The following STOX2 variants were observed in gnomAD, a reference collection of about 807,000 sequenced individuals.
STOX2 encodes storkhead box 2.
STOX2 carries 28 observed loss-of-function variants against 60.9 expected under a neutral mutation model. The ratio of observed to expected loss-of-function variants is 0.46; its 90% CI spans 0.34 to 0.63. The LOEUF (loss-of-function observed/expected upper bound fraction) is 0.63, where lower values mean the gene tolerates loss of function less well. Among genes scored for constraint, STOX2 ranks in the 30% least tolerant of loss-of-function variants. STOX2 has a pLI of 0.01. For missense variants in STOX2, 1,024 were observed against 1,187.7 expected, an observed-to-expected ratio of 0.86 and a Z score of 2.03; for synonymous variants, 472 against 463.9, an observed-to-expected ratio of 1.02 and a Z score of -0.22.
At chr4:184,006,977 C>T (rs1201619395) in intron 2 of STOX2, among the ~76,000 whole-genome samples, 14 of 131,318 alleles carry the variant, frequency 1.1e-4, no homozygotes, top group Non-Finnish European at 2.0e-4. Context: ...GATCCCGCCA[C>T]TGCACTCCAG....
intron 1 of STOX2, among the ~76,000 whole-genome samples, chr4:183,858,315 G>T (rs1261412630): frequency 6.6e-6 from 1 of 151,858 alleles, no homozygotes; most frequent in African/African-American, 2.4e-5. Flanking sequence ...CTCCCGCCCT[G>T]TGCGGGCTGC....
At chr4:183,846,323 G>A (rs1739989293) in intron 1 of STOX2, among the ~76,000 whole-genome samples, 1 of 152,200 alleles carries the variant, frequency 6.6e-6, no homozygotes, top group Non-Finnish European at 1.5e-5. Flanking sequence ...TGTTGAATGT[G>A]TAGATTCATG....
intron 1 of STOX2, among the ~76,000 whole-genome samples, chr4:183,829,970 G>C (rs1382666399): frequency 6.6e-6 from 1 of 152,222 alleles, no homozygotes; most frequent in African/African-American, 2.4e-5. Flanking sequence ...CCATTACTGG[G>C]CCTGCTCCCT....
intron 1 of STOX2, among the ~76,000 whole-genome samples, chr4:183,944,146 C>A (rs796469124): frequency 4.6e-5 from 7 of 152,340 alleles, no homozygotes; most frequent in African/African-American, 1.7e-4. Context: ...CACAGAGTAG[C>A]TGACAATGTA....
intron 1 of STOX2, among the ~76,000 whole-genome samples, chr4:183,958,658 C>T (rs950212195): frequency 6.6e-6 from 1 of 152,166 alleles, no homozygotes; most frequent in African/African-American, 2.4e-5. Flanking sequence ...AACTGAAAAG[C>T]CCATCTTAGA....
intron 1 of STOX2, among the ~76,000 whole-genome samples, chr4:183,819,099 G>A (rs566605348): frequency 4.6e-5 from 7 of 151,572 alleles, no homozygotes; most frequent in South Asian, 2.1e-4. Context: ...CATCCCAGAC[G>A]ATGGGCGGCC....
chr4:183,925,366 A>G (rs1219101364), intron 1 of STOX2, among the ~76,000 whole-genome samples: 2 of 152,076 alleles, frequency 1.3e-5, no homozygotes, highest in East Asian at 3.8e-4. Flanking sequence ...TTTTTTCGGT[A>G]GAGTTGGGGT....
At chr4:183,841,246 C>T (rs1049818040) in intron 1 of STOX2, among the ~76,000 whole-genome samples, 1 of 151,852 alleles carries the variant, frequency 6.6e-6, no homozygotes, top group Non-Finnish European at 1.5e-5. Context: ...CTGTGTGGCT[C>T]AGGCTTGAGT....
intron 1 of STOX2, among the ~76,000 whole-genome samples, chr4:183,829,022 C>T (rs6839412): frequency 0.027 from 4,156 of 152,254 alleles, 157 homozygotes; most frequent in African/African-American, 0.094. Flanking sequence ...GGGAGATTAG[C>T]AATTTGCTGA....
At chr4:183,962,192 A>G (rs1743432312) in intron 1 of STOX2, among the ~76,000 whole-genome samples, 1 of 152,232 alleles carries the variant, frequency 6.6e-6, no homozygotes, top group South Asian at 2.1e-4. Flanking sequence ...GTGCAGTTCC[A>G]TTGTTATAAG....
chr4:183,872,549 T>C (rs1465850061), intron 1 of STOX2, among the ~76,000 whole-genome samples: 1 of 152,196 alleles, frequency 6.6e-6, no homozygotes. Flanking sequence ...ATCAAGGCTA[T>C]GTGTCAGAGA....
chr4:183,957,341 G>T (rs1307514715), intron 1 of STOX2, among the ~76,000 whole-genome samples: 1 of 152,014 alleles, frequency 6.6e-6, no homozygotes, highest in Non-Finnish European at 1.5e-5. Context: ...TGTATGAATA[G>T]CTTGTTTTCC....
intron 1 of STOX2, among the ~76,000 whole-genome samples, chr4:183,848,437 C>T (rs1740034895): frequency 6.6e-6 from 1 of 152,128 alleles, no homozygotes; most frequent in African/African-American, 2.4e-5. Context: ...TCTTATATTT[C>T]ATTAGCCATA....
At chr4:183,867,938 T>C (rs140783061) in intron 1 of STOX2, among the ~76,000 whole-genome samples, 1 of 152,310 alleles carries the variant, frequency 6.6e-6, no homozygotes, top group East Asian at 1.9e-4. Flanking sequence ...CTGGGGACAG[T>C]CAGAATTTTC....
rs1740283611 is a variant in STOX2 at position 183,856,246 on chromosome 4, A to ATTAC, written c.364+58192_364+58193insTACT. 6.6e-6 allele frequency among the ~76,000 whole-genome samples: 1 copy of ATTAC among 151,888 alleles called. No individual in the cohort carries two copies. Among genetic ancestry groups the ATTAC allele is most frequent in the African/African-American group, 2.4e-5 (1 of 41,412 alleles). On this transcript the variant is annotated intron_variant, in intron 1 of 2. Coordinates refer to the STOX2 transcript ENST00000513034. This position sits in a 1 kb window ranked among gnomAD's most constrained non-coding sequence, Gnocchi z 4.0. Reference sequence around the variant, plus strand: ...GAAAGGCTCACGGCCCCTTTCACACATGTCGACATTACTCCCCCAAGACGA... The same window carrying ATTAC: ...GAAAGGCTCACGGCCCCTTTCACACATTACTGTCGACATTACTCCCCCAAGACGA...
At chr4:183,864,210 T>C (rs35770501) in intron 1 of STOX2, among the ~76,000 whole-genome samples, 39,600 of 152,066 alleles carry the variant, frequency 0.26, 5,980 homozygotes, top group Non-Finnish European at 0.32. Context: ...TAACATGCAC[T>C]GTTATTCTCC....
At chr4:183,999,325 C>T (rs959788270) in intron 1 of STOX2, among the ~76,000 whole-genome samples, 2 of 152,100 alleles carry the variant, frequency 1.3e-5, no homozygotes, top group African/African-American at 4.8e-5. Context: ...TGCTACTGCC[C>T]CACAAAATAT....
chr4:183,874,972 T>A (rs1271335811), intron 1 of STOX2, among the ~76,000 whole-genome samples: 12 of 99,318 alleles, frequency 1.2e-4, no homozygotes, highest in East Asian at 5.5e-4. Context: ...TATATATATA[T>A]ATATATATAT....
At chr4:184,008,512 C>CA (rs1553987657) in intron 2 of STOX2, among the ~76,000 whole-genome samples, 1 of 152,024 alleles carries the variant, frequency 6.6e-6, no homozygotes, top group African/African-American at 2.4e-5. Context: ...TGACTGACGC[C>CA]AAAAAGGAGA....
Sources: gnomAD v4.1 joint callset for allele counts (sites outside exome capture counted in the v4.1 genomes callset) on GRCh38, gnomAD v4.1.1 for gene constraint, Gnocchi (gnomAD v3.1) non-coding constraint, MANE v1.5 for transcripts, NCBI Gene and HGNC (gene_info 2026-07-23, HGNC 2026-07-21) for gene names.